Variants in VGLL4 observed in about 807,000 individuals in gnomAD.
VGLL4 encodes the protein transcription cofactor vestigial-like protein 4.
VGLL4 carries 7 observed loss-of-function variants against 21.0 expected under a neutral mutation model. The observed-to-expected ratio is 0.33, with a 90% confidence interval of 0.19 to 0.63. The LOEUF is 0.63. Among genes scored for constraint, VGLL4 ranks in the 20% least tolerant of loss-of-function variants. The pLI, the probability that VGLL4 is intolerant of heterozygous loss-of-function variation, is 0.78. For synonymous variants in VGLL4, 222 were observed against 173.2 expected (o/e 1.28, Z -2.21); for missense variants, 394 against 425.7 (o/e 0.93, Z 0.66).
intron 2 of VGLL4, 60 bp downstream of exon 2, chr3:11,601,773 A>G (rs1026780786): frequency 1.9e-6 from 3 of 1,578,650 alleles, no homozygotes; most frequent in Admixed American, 3.7e-5. Flanking sequence ...CAAAGTTGCA[A>G]AACAAATAAG....
intron 2 of VGLL4, among the ~76,000 whole-genome samples, chr3:11,668,336 C>T (rs1409587980): frequency 6.6e-6 from 1 of 152,178 alleles, no homozygotes; most frequent in African/African-American, 2.4e-5. Flanking sequence ...TTTCTAAATG[C>T]ATCATGCTTA....
chr3:11,574,659 A>G (rs564099358), intron 2 of VGLL4, among the ~76,000 whole-genome samples: 1 of 152,326 alleles, frequency 6.6e-6, no homozygotes, highest in Admixed American at 6.5e-5. Flanking sequence ...GGATGTTCCC[A>G]GCACAAAGAA....
chr3:11,694,772 G>A (rs2076580631), intron 2 of VGLL4, among the ~76,000 whole-genome samples: 2 of 152,162 alleles, frequency 1.3e-5, no homozygotes. Flanking sequence ...TGCATTAGCC[G>A]GCAAGTGGCA....
intron 2 of VGLL4, among the ~76,000 whole-genome samples, chr3:11,580,798 C>G (rs2074201698): frequency 1.3e-5 from 2 of 152,194 alleles, no homozygotes; most frequent in Non-Finnish European, 2.9e-5. Flanking sequence ...CCACCCAGCT[C>G]ACTAAATCCA....
intron 2 of VGLL4, among the ~76,000 whole-genome samples, chr3:11,591,928 T>C (rs1026253478): frequency 6.6e-6 from 1 of 152,258 alleles, no homozygotes; most frequent in South Asian, 2.1e-4. Context: ...AACAACAATA[T>C]TGCAGTTTCC....
chr3:11,564,285 G>C (rs114331526), intron 3 of VGLL4, among the ~76,000 whole-genome samples: 1 of 152,116 alleles, frequency 6.6e-6, no homozygotes, highest in Non-Finnish European at 1.5e-5. Context: ...ACCAATCATA[G>C]GCTTCTGACC....
chr3:11,592,766 A>T (rs953663402), intron 2 of VGLL4, among the ~76,000 whole-genome samples: 14 of 152,186 alleles, frequency 9.2e-5, no homozygotes, highest in African/African-American at 3.1e-4. Context: ...ACCCTGAACA[A>T]GTTACAGAAC....
intron 1 of VGLL4, among the ~76,000 whole-genome samples, chr3:11,613,890 C>T (rs956697289): frequency 3.3e-5 from 5 of 152,182 alleles, no homozygotes; most frequent in Non-Finnish European, 7.4e-5. Context: ...GCCCCCGCCT[C>T]GAATACAGTC....
At chr3:11,571,138 G>A (rs144984164) in intron 2 of VGLL4, among the ~76,000 whole-genome samples, 13 of 152,258 alleles carry the variant, frequency 8.5e-5, no homozygotes, top group African/African-American at 2.2e-4. Flanking sequence ...ACCGGCATTC[G>A]GACTGTCCCA....
rs185290214 is a variant in VGLL4 at position 11,713,587 on chromosome 3, T to C, written c.-14+6807A>G. On this transcript the variant is annotated intron_variant, in intron 1 of 5. Coordinates refer to the VGLL4 transcript ENST00000273038. ...TATTATTTATATATATATATATATA[T>C]ATATCTGCATAAAATCCCTAATTAG... is the stretch of plus-strand genomic sequence containing the variant. Among the ~76,000 whole-genome samples the C allele has an allele frequency of 7.8e-3, 1,158 of 148,010 alleles. 19 individuals are homozygous for C. Among genetic ancestry groups the C allele is most frequent in the African/African-American group, 0.026 (1,059 of 40,394 alleles).
chr3:11,598,648 C>G (rs1368711858), intron 2 of VGLL4, among the ~76,000 whole-genome samples: 4 of 151,988 alleles, frequency 2.6e-5, no homozygotes, highest in African/African-American at 9.7e-5. Context: ...CTCCACCAGG[C>G]CAAGCTAATT....
At chr3:11,683,582 T>C (rs1272925638) in intron 2 of VGLL4, among the ~76,000 whole-genome samples, 1 of 152,142 alleles carries the variant, frequency 6.6e-6, no homozygotes, top group Non-Finnish European at 1.5e-5. Flanking sequence ...TGTGATAACC[T>C]GAGGTCAAAA....
intron 2 of VGLL4, among the ~76,000 whole-genome samples, chr3:11,590,812 A>G (rs2074477032): frequency 2.0e-5 from 3 of 152,122 alleles, no homozygotes; most frequent in Non-Finnish European, 4.4e-5. Context: ...CCACCTTGCT[A>G]TGTTCCAGCT....
chr3:11,681,035 C>T (rs2076361057), intron 2 of VGLL4, among the ~76,000 whole-genome samples: 1 of 152,160 alleles, frequency 6.6e-6, no homozygotes. Flanking sequence ...CAGAAACGTG[C>T]TAGTCCCATG....
chr3:11,686,120 G>C (rs1022604607), intron 2 of VGLL4, among the ~76,000 whole-genome samples: 2 of 152,156 alleles, frequency 1.3e-5, no homozygotes, highest in Non-Finnish European at 2.9e-5. Flanking sequence ...AAACAGTAGG[G>C]CAGTTCCTCA....
chr3:11,558,701 T>G lies in VGLL4; in HGVS notation c.746A>C (p.Lys249Thr). The G allele has an allele frequency of 6.2e-7, 1 of 1,614,056 alleles. No individual in the cohort carries two copies. The highest frequency in any genetic ancestry group is 8.5e-7 in the Non-Finnish European group (1 of 1,180,026). Reference sequence around the variant, plus strand: ...CTGGAGCCACGTGTCACCCAGAGCTTTGGCAAAGTGGTCGTCCACGGAGCC... The same window carrying G: ...CTGGAGCCACGTGTCACCCAGAGCTGTGGCAAAGTGGTCGTCCACGGAGCC... ...ITGSVDDHFA[K>T]ALGDTWLQIK... Residue 249 changes from lysine to threonine, a missense_variant, in exon 5 of 5, where the codon AAA (lysine) becomes ACA (threonine). Physicochemically the swap from Lys to Thr is moderately conservative, Grantham distance 78. Transcript: ENST00000430365.
intron 2 of VGLL4, among the ~76,000 whole-genome samples, chr3:11,589,239 G>T (rs117138621): frequency 5.3e-5 from 8 of 152,168 alleles, no homozygotes; most frequent in Non-Finnish European, 1.2e-4. Flanking sequence ...CTAGGGAGTG[G>T]ATATAAAAGA....
intron 1 of VGLL4, among the ~76,000 whole-genome samples, chr3:11,706,978 TCCCTGAGCTGG>T (rs1249956851): frequency 6.6e-6 from 1 of 152,118 alleles, no homozygotes; most frequent in East Asian, 1.9e-4. Context: ...TCATCATCTG[TCCCTGAGCTGG>T]CCCGTGACAT....
In VGLL4 at chr3:11,564,942, G is replaced by A. The variant is rs1325751495; in HGVS notation, c.350C>T (p.Pro117Leu). Residue 117 changes from proline to leucine, a missense_variant, in exon 3 of 5, where the codon CCC (proline) becomes CTC (leucine). By Grantham distance (98) the Pro-to-Leu change is moderately conservative. Transcript: ENST00000430365. ...SRSPIERAVA[P>L]TMSLHGSHLY... is the part of the protein sequence containing the mutation. ...GTGGCTGCCGTGCAGGCTCATGGTG[G>A]GGGCCACAGCGCGCTCGATGGGGCT... The A allele has an allele frequency of 1.3e-6, 2 of 1,581,378 alleles. No individual in the cohort carries two copies. Among genetic ancestry groups the A allele is most frequent in the Non-Finnish European group, 1.7e-6 (2 of 1,164,144 alleles).
Sources: allele counts gnomAD v4.1 joint callset (sites outside exome capture counted in the v4.1 genomes callset), GRCh38; gene constraint gnomAD v4.1.1; transcripts MANE v1.5; gene names NCBI Gene and HGNC (gene_info 2026-07-23, HGNC 2026-07-21).